Variants in DLG1 observed in about 807,000 individuals in gnomAD.
DLG1 encodes discs large MAGUK scaffold protein 1, also known as disks large homolog 1.
DLG1 carries 42 observed loss-of-function variants against 123.4 expected under a neutral mutation model. The ratio of observed to expected loss-of-function variants is 0.34; its 90% CI spans 0.27 to 0.44. The LOEUF is 0.44. Among genes scored for constraint, DLG1 ranks in the 20% least tolerant of loss-of-function variants. The probability of loss-of-function intolerance (pLI) is 1.00; values close to 1 mark genes in which losing one functional copy is unlikely to be tolerated. For missense variants in DLG1, 942 were observed against 1,082.6 expected, an observed-to-expected ratio of 0.87 and a Z score of 1.82; for synonymous variants, 317 against 356.2, an observed-to-expected ratio of 0.89 and a Z score of 1.24.
chr3:197,074,011 G>T (rs1745714456), intron 18 of DLG1, among the ~76,000 whole-genome samples: 1 of 152,078 alleles, frequency 6.6e-6, no homozygotes. Flanking sequence ...ACTTCAGAAT[G>T]TAAGTAACTG....
intron 11 of DLG1, among the ~76,000 whole-genome samples, chr3:197,120,236 A>G (rs1775555927): frequency 6.7e-6 from 1 of 150,246 alleles, no homozygotes; most frequent in Non-Finnish European, 1.5e-5. Flanking sequence ...ACTCCAGCCT[A>G]CGTAGGTGAC....
intron 10 of DLG1, among the ~76,000 whole-genome samples, chr3:197,135,533 T>C (rs1039053510): frequency 2.6e-5 from 4 of 152,176 alleles, no homozygotes; most frequent in Admixed American, 6.5e-5. Context: ...CCTTTATAAA[T>C]TACCCAGTCT....
At chr3:197,057,648 T>C (rs1375461289) in intron 23 of DLG1, among the ~76,000 whole-genome samples, 1 of 152,202 alleles carries the variant, frequency 6.6e-6, no homozygotes, top group Non-Finnish European at 1.5e-5. Context: ...TAACCTGTAT[T>C]TCCATGATTA....
chr3:197,204,871 A>G (rs973563198), intron 4 of DLG1, among the ~76,000 whole-genome samples: 1 of 152,174 alleles, frequency 6.6e-6, no homozygotes, highest in Non-Finnish European at 1.5e-5. Context: ...GGATACAGGA[A>G]GATGACTATT....
intron 11 of DLG1, among the ~76,000 whole-genome samples, chr3:197,119,871 T>TACTA (rs144610332): frequency 0.016 from 2,435 of 152,296 alleles, 68 homozygotes; most frequent in African/African-American, 0.054. Context: ...TATGTCCTTA[T>TACTA]ACTAGCTCAG....
At chr3:197,066,922 A>T (rs1740013953) in intron 19 of DLG1, among the ~76,000 whole-genome samples, 168 bp from the exon 20 acceptor site, 1 of 152,180 alleles carries the variant, frequency 6.6e-6, no homozygotes, top group Non-Finnish European at 1.5e-5. Flanking sequence ...TCAAATTATA[A>T]AGTCTTAAAA....
At chr3:197,296,207 AC>A (rs1462488215) in intron 3 of DLG1, 138 bp downstream of exon 3, 2 of 825,792 alleles carry the variant, frequency 2.4e-6, no homozygotes, top group African/African-American at 3.4e-5. Context: ...CCTATGAAAA[AC>A]ACACAACTCA....
chr3:197,248,012 G>A (rs895989654), intron 4 of DLG1, among the ~76,000 whole-genome samples: 1 of 152,082 alleles, frequency 6.6e-6, no homozygotes, highest in Non-Finnish European at 1.5e-5. Flanking sequence ...CTCCTTTATA[G>A]GAGGGCCGCC....
At chr3:197,297,258 GA>G in intron 1 of DLG1, 23 bp from the exon 2 acceptor site, 1 of 1,609,762 alleles carries the variant, frequency 6.2e-7, no homozygotes, top group South Asian at 1.1e-5. Context: ...CAACGGAAAG[GA>G]AAAAGGATAG....
chr3:197,080,111 G>T (rs1376978026), intron 17 of DLG1, among the ~76,000 whole-genome samples: 1 of 151,476 alleles, frequency 6.6e-6, no homozygotes, highest in Non-Finnish European at 1.5e-5. Context: ...GTGAGTTCAG[G>T]ATTATTAAGA....
chr3:197,177,191 T>C (rs1807579132), intron 5 of DLG1, among the ~76,000 whole-genome samples: 1 of 152,116 alleles, frequency 6.6e-6, no homozygotes, highest in African/African-American at 2.4e-5. Context: ...GTTAGTAGCC[T>C]TTTGAGTAGA....
At chr3:197,051,771 T>C (rs945051775) in intron 23 of DLG1, 103 bp from the exon 24 acceptor site, 15 of 836,582 alleles carry the variant, frequency 1.8e-5, no homozygotes, top group Admixed American at 2.5e-5. Context: ...TCATGAAAAG[T>C]TGAACTCTGC....
At chr3:197,247,518 A>C (rs1475295316) in intron 4 of DLG1, among the ~76,000 whole-genome samples, 1 of 152,034 alleles carries the variant, frequency 6.6e-6, no homozygotes, top group Non-Finnish European at 1.5e-5. Flanking sequence ...CACAGGGCAT[A>C]ATCTATTTTC....
chr3:197,156,661 A>G (rs573673799), intron 5 of DLG1, among the ~76,000 whole-genome samples: 4 of 152,216 alleles, frequency 2.6e-5, no homozygotes, highest in South Asian at 2.1e-4. Flanking sequence ...GGCTGTACTC[A>G]TAACAGACAA....
At chr3:197,212,990 A>G (rs9861063) in intron 4 of DLG1, among the ~76,000 whole-genome samples, 21,726 of 152,202 alleles carry the variant, frequency 0.14, 2,169 homozygotes, top group African/African-American at 0.28. Flanking sequence ...ATGTGGAGCG[A>G]CTGGGACTCT....
At chr3:197,144,139 T>C (rs1789479157) in intron 6 of DLG1, among the ~76,000 whole-genome samples, 1 of 152,216 alleles carries the variant, frequency 6.6e-6, no homozygotes, top group Admixed American at 6.5e-5. Flanking sequence ...AGGAGTCTCT[T>C]TCCTCTTCAA....
At chr3:197,231,337 T>C (rs1308960171) in intron 4 of DLG1, among the ~76,000 whole-genome samples, 1 of 152,238 alleles carries the variant, frequency 6.6e-6, no homozygotes, top group Admixed American at 6.5e-5. Context: ...AATGTGGACA[T>C]TTCTGTTATA....
At chr3:197,292,303 G>A (rs1468277620) in intron 3 of DLG1, among the ~76,000 whole-genome samples, 1 of 152,184 alleles carries the variant, frequency 6.6e-6, no homozygotes, top group South Asian at 2.1e-4. Flanking sequence ...AGAAAATCCT[G>A]TCAACAACTA....
chr3:197,086,955 T>G (rs894801056), intron 15 of DLG1, among the ~76,000 whole-genome samples: 1 of 152,180 alleles, frequency 6.6e-6, no homozygotes, highest in African/African-American at 2.4e-5. Context: ...AATCTCTACT[T>G]ACGTTAGCAT....
Sources: allele counts gnomAD v4.1 joint callset (sites outside exome capture counted in the v4.1 genomes callset), GRCh38; gene constraint gnomAD v4.1.1; transcripts MANE v1.5; gene names NCBI Gene and HGNC (gene_info 2026-07-23, HGNC 2026-07-21).